The following PTPRE variants were observed in gnomAD, a reference collection of about 807,000 sequenced individuals.
The protein encoded by PTPRE is receptor-type tyrosine-protein phosphatase epsilon.
A neutral mutation model predicts 102.0 loss-of-function variants in PTPRE; 51 were observed. The ratio of observed to expected loss-of-function variants is 0.50; its 90% CI spans 0.40 to 0.63. PTPRE has a LOEUF of 0.63. Ranked by LOEUF, PTPRE falls within the 30% of genes least tolerant of loss-of-function variation. The pLI, the probability that PTPRE is intolerant of heterozygous loss-of-function variation, is 0.00. For missense variants in PTPRE, 752 were observed against 915.1 expected (o/e 0.82, Z 2.30); for synonymous variants, 345 against 348.2 (o/e 0.99, Z 0.10).
At chr10:127,934,236 AGAG>A (rs1167916194) in intron 1 of PTPRE, 2 of 152,192 alleles carry the variant, frequency 1.3e-5, no homozygotes, top group African/African-American at 2.4e-5. Flanking sequence ...CCATGTCTGC[AGAG>A]GAGTTCACAC....
chr10:127,992,156 A>G lies in PTPRE; in HGVS notation c.-8+9860A>G, dbSNP rs925356973. Among the ~76,000 whole-genome samples, 4 of 152,102 alleles carry G rather than the reference A, an allele frequency of 2.6e-5. No individual in the cohort carries two copies. The East Asian group carries it at 7.7e-4, about 29-fold the overall frequency. On this transcript the variant is annotated intron_variant, in intron 2 of 20. Coordinates refer to ENST00000254667, the MANE Select transcript of PTPRE (RefSeq NM_006504.6). ...GAGGGGTGCAGATCAGAGGGGTGAG[A>G]AAGGGAGGCTGGAGGGGCAGGTGGA...
At chr10:128,064,722 G>A (rs1484364948) in intron 10 of PTPRE, among the ~76,000 whole-genome samples, 3 of 152,212 alleles carry the variant, frequency 2.0e-5, no homozygotes, top group African/African-American at 7.2e-5. Flanking sequence ...CCACTCCTGT[G>A]ACTCAGTGCT....
intron 2 of PTPRE, among the ~76,000 whole-genome samples, chr10:128,026,040 A>G (rs1033296867): frequency 1.3e-5 from 2 of 152,184 alleles, no homozygotes; most frequent in South Asian, 4.1e-4. Flanking sequence ...AGAGTCTCCC[A>G]TGTATCTCCA....
chr10:127,968,762 T>G (rs1392058512), intron 1 of PTPRE, among the ~76,000 whole-genome samples: 2 of 152,234 alleles, frequency 1.3e-5, no homozygotes, highest in African/African-American at 4.8e-5. Flanking sequence ...TTGTGAGCAT[T>G]AAGTTTAAAA....
chr10:128,057,487 G>T (rs1366797100), intron 7 of PTPRE, among the ~76,000 whole-genome samples: 1 of 152,164 alleles, frequency 6.6e-6, no homozygotes, highest in Non-Finnish European at 1.5e-5. Context: ...GCATTTTTAG[G>T]ACTAGAATTG....
At chr10:127,940,909 C>T (rs1262230848) in intron 1 of PTPRE, among the ~76,000 whole-genome samples, 1 of 152,196 alleles carries the variant, frequency 6.6e-6, no homozygotes, top group Non-Finnish European at 1.5e-5. Context: ...AGGGTTGTAC[C>T]TTCTCATCTG....
chr10:128,081,752 G>A (rs1329986915), intron 20 of PTPRE, among the ~76,000 whole-genome samples: 2 of 152,196 alleles, frequency 1.3e-5, no homozygotes, highest in African/African-American at 4.8e-5. Context: ...TGTGGTCTTG[G>A]CTCTTCCAAC....
intron 6 of PTPRE, among the ~76,000 whole-genome samples, chr10:128,050,127 G>A (rs1848434397): frequency 6.9e-6 from 1 of 145,434 alleles, no homozygotes; most frequent in Non-Finnish European, 1.5e-5. Flanking sequence ...TGAAGCAGCT[G>A]TGAGCTGCCT....
intron 11 of PTPRE, among the ~76,000 whole-genome samples, chr10:128,066,425 C>T (rs1344750996): frequency 6.6e-6 from 1 of 152,192 alleles, no homozygotes; most frequent in Non-Finnish European, 1.5e-5. Context: ...CTCCTAATTC[C>T]TAGTGACTCC....
At chr10:128,075,837 T>A (rs758062281) in intron 17 of PTPRE, among the ~76,000 whole-genome samples, 1 of 152,342 alleles carries the variant, frequency 6.6e-6, no homozygotes, top group Non-Finnish European at 1.5e-5. Context: ...GTGGATGACA[T>A]ATTTCCTCTT....
At chr10:127,996,615 G>A (rs557923739) in intron 2 of PTPRE, among the ~76,000 whole-genome samples, 67 of 152,248 alleles carry the variant, frequency 4.4e-4, no homozygotes, top group African/African-American at 1.5e-3. Flanking sequence ...TATGCCTCCC[G>A]GCATTCGGCT....
At chr10:128,004,820 C>T (rs750539543) in intron 2 of PTPRE, among the ~76,000 whole-genome samples, 2 of 152,294 alleles carry the variant, frequency 1.3e-5, no homozygotes, top group South Asian at 2.1e-4. Context: ...TAAATCTTTC[C>T]GTGGTGGCTG....
At chr10:128,069,515 GA>G in intron 12 of PTPRE, 176 bp from the exon 13 acceptor site, 1 of 771,354 alleles carries the variant, frequency 1.3e-6, no homozygotes, top group East Asian at 2.6e-5. Context: ...ACCGGCCTGA[GA>G]TCACTTTACT....
intron 2 of PTPRE, among the ~76,000 whole-genome samples, chr10:128,035,127 C>T (rs962992499): frequency 6.6e-6 from 1 of 152,112 alleles, no homozygotes; most frequent in African/African-American, 2.4e-5. Context: ...GGACCACAGG[C>T]ACCCATCACC....
At chr10:128,040,802 A>T in intron 2 of PTPRE, 73 bp from the exon 3 acceptor site, 2 of 1,194,100 alleles carry the variant, frequency 1.7e-6, no homozygotes, top group East Asian at 2.4e-5. Context: ...TCTCCTCATC[A>T]TCACTGCCTG....
At chr10:128,063,541 A>G (rs1270400084) in intron 10 of PTPRE, among the ~76,000 whole-genome samples, 1 of 152,234 alleles carries the variant, frequency 6.6e-6, no homozygotes, top group Admixed American at 6.5e-5. Context: ...AGAAATGAAC[A>G]TGATTTCGCG....
chr10:128,010,590 T>TCTTTTCTTTTCTTTTCTTTTCTTTC (rs1004427789), intron 2 of PTPRE, among the ~76,000 whole-genome samples: 20 of 149,900 alleles, frequency 1.3e-4, no homozygotes, highest in African/African-American at 4.5e-4. Context: ...TCTTTTCTTT[T>TCTTTTCTTTTCTTTTCTTTTCTTTC]CTTTCCTTTT....
rs549255353 is a variant in PTPRE at position 128,083,448 on chromosome 10, A to C, written c.*542A>C. 1.3e-5 allele frequency: 2 copies of C among 152,504 alleles called. No individual in the cohort carries two copies. The highest frequency in any genetic ancestry group is 4.1e-4 in the South Asian group (2 of 4,828). 9.4% of individuals were successfully genotyped at this position (152,504 alleles called of 1,614,324 possible). A position where few individuals can be genotyped will look rare whatever the true frequency, so the allele number is the denominator to read the frequency against. ...TATCTTTACATTTTAAAGATCAAAGAAGTCTTTACAACCTGAATCCAGGTC... is the reference window on the plus strand; with the variant it reads ...TATCTTTACATTTTAAAGATCAAAGCAGTCTTTACAACCTGAATCCAGGTC... On this transcript the variant is annotated 3_prime_UTR_variant, in exon 21 of 21. Coordinates refer to ENST00000254667, the MANE Select transcript of PTPRE (RefSeq NM_006504.6).
intron 2 of PTPRE, among the ~76,000 whole-genome samples, chr10:128,018,189 C>CGG (rs1303696634): frequency 1.3e-5 from 2 of 150,878 alleles, no homozygotes; most frequent in African/African-American, 4.9e-5. Flanking sequence ...AGCTTTGGGG[C>CGG]GGGGGGCATG....
Sources: allele counts gnomAD v4.1 joint callset (sites outside exome capture counted in the v4.1 genomes callset), GRCh38; gene constraint gnomAD v4.1.1; transcripts MANE v1.5; gene names NCBI Gene and HGNC (gene_info 2026-07-23, HGNC 2026-07-21).